The following SHANK2 variants were observed in gnomAD, a reference collection of about 807,000 sequenced individuals.
The protein encoded by SHANK2 is SH3 and multiple ankyrin repeat domains 2.
Under a neutral mutation model 133.7 loss-of-function variants are expected in SHANK2, and 43 were observed. The ratio of observed to expected loss-of-function variants is 0.32; its 90% CI spans 0.25 to 0.41. The LOEUF (loss-of-function observed/expected upper bound fraction) is 0.41, where lower values mean the gene tolerates loss of function less well. Ranked by LOEUF, SHANK2 falls within the 10% of genes least tolerant of loss-of-function variation. The pLI, the probability that SHANK2 is intolerant of heterozygous loss-of-function variation, is 1.00. For synonymous variants in SHANK2, 1,017 were observed against 952.8 expected (o/e 1.07, Z -1.24); for missense variants, 1,994 against 2,235.8 (o/e 0.89, Z 2.18).
intron 16 of SHANK2, among the ~76,000 whole-genome samples, chr11:70,660,867 A>G (rs1591718483): frequency 6.6e-6 from 1 of 152,364 alleles, no homozygotes; most frequent in South Asian, 2.1e-4. Context: ...CGTAAGCTCC[A>G]AGATGAAACT....
At chr11:70,736,482 A>G (rs1946406845) in intron 14 of SHANK2, among the ~76,000 whole-genome samples, 1 of 152,092 alleles carries the variant, frequency 6.6e-6, no homozygotes, top group African/African-American at 2.4e-5. Flanking sequence ...GTCAGAAGAG[A>G]AGACACAGAC....
At chr11:71,198,215 C>A (rs1324178168) in intron 2 of SHANK2, among the ~76,000 whole-genome samples, 1 of 152,142 alleles carries the variant, frequency 6.6e-6, no homozygotes, top group African/African-American at 2.4e-5. Context: ...TTCCAAAGTG[C>A]TGGGACTGCA....
intron 9 of SHANK2, among the ~76,000 whole-genome samples, chr11:71,057,470 G>A (rs978702431): frequency 3.3e-5 from 5 of 152,212 alleles, no homozygotes; most frequent in Admixed American, 6.5e-5. Context: ...ACTATGTCTG[G>A]AAGGATATGC....
Position 70,500,800 on chromosome 11 carries a change from C to G in SHANK2, c.2288-210G>C. On this transcript the variant is annotated intron_variant, in intron 20 of 25. Transcript: ENST00000601538. The surrounding 1 kb of genome is among the most constrained non-coding windows in gnomAD (Gnocchi z 4.5). The stretch of plus-strand genomic sequence containing the variant: ...ACCTTGGCTGCCCGCACAACTCTGT[C>G]CTGTCTGCCCTGCTCGTTAACCTAC... 1.4e-6 allele frequency: 1 copy of G among 730,202 alleles called. No homozygotes were observed. Among genetic ancestry groups the G allele is most frequent in the Non-Finnish European group, 2.5e-6 (1 of 397,074 alleles). The allele number at this position is 730,202 out of a possible 1,614,324, so 45.2% of individuals were successfully genotyped here.
chr11:70,849,174 T>C (rs1202769455), intron 11 of SHANK2, among the ~76,000 whole-genome samples: 1 of 151,832 alleles, frequency 6.6e-6, no homozygotes, highest in Non-Finnish European at 1.5e-5. Flanking sequence ...ATAGGCAGGG[T>C]GTGAGGATGC....
At chr11:70,545,657 C>G (rs1461102112) in intron 17 of SHANK2, among the ~76,000 whole-genome samples, 1 of 152,206 alleles carries the variant, frequency 6.6e-6, no homozygotes, top group Non-Finnish European at 1.5e-5. Flanking sequence ...TTTCTGACAC[C>G]AAATACATCA....
chr11:71,210,518 G>A (rs1954251948), intron 2 of SHANK2, among the ~76,000 whole-genome samples: 1 of 151,774 alleles, frequency 6.6e-6, no homozygotes, highest in Non-Finnish European at 1.5e-5. Flanking sequence ...CCAAAGTGCT[G>A]GGATTACAGG....
At chr11:70,809,935 G>T (rs1948243525) in intron 12 of SHANK2, among the ~76,000 whole-genome samples, 1 of 152,218 alleles carries the variant, frequency 6.6e-6, no homozygotes, top group African/African-American at 2.4e-5. Context: ...GGGGGCACAG[G>T]TGTCTCTGAG....
chr11:70,761,153 T>C (rs1431943236), intron 14 of SHANK2, among the ~76,000 whole-genome samples: 2 of 152,190 alleles, frequency 1.3e-5, no homozygotes, highest in African/African-American at 4.8e-5. Context: ...AATTCAAATG[T>C]TGAAACCCAA....
intron 5 of SHANK2, among the ~76,000 whole-genome samples, chr11:71,111,591 C>T (rs1267843856): frequency 3.9e-5 from 6 of 152,184 alleles, no homozygotes; most frequent in Non-Finnish European, 5.9e-5. Context: ...GCCCCTACTC[C>T]GTACCTCTCT....
At chr11:71,111,749 T>A (rs1434289695) in intron 5 of SHANK2, among the ~76,000 whole-genome samples, 1 of 152,240 alleles carries the variant, frequency 6.6e-6, no homozygotes, top group African/African-American at 2.4e-5. Flanking sequence ...ACACATGACT[T>A]ACACATGGTG....
chr11:70,774,304 G>A (rs1219637249), intron 14 of SHANK2, among the ~76,000 whole-genome samples: 1 of 151,708 alleles, frequency 6.6e-6, no homozygotes, highest in African/African-American at 2.4e-5. Flanking sequence ...TCCGGTAAAG[G>A]GGAAATCGGG....
In SHANK2 at chr11:70,919,372, C is replaced by CT. The variant is rs35847446; in HGVS notation, c.1108-22806dup. On this transcript the variant is annotated intron_variant, in intron 10 of 25. Coordinates refer to ENST00000601538, the MANE Select transcript of SHANK2 (RefSeq NM_012309.5). ...CCACAGATCTCAGAACTTACTACTT[C>CT]TTTTTTTTTTTTTAACTCTTTTTTT... 1.9e-3 allele frequency among the ~76,000 whole-genome samples: 274 copies of CT among 147,096 alleles called. 1 individual carries two copies. The highest frequency in any genetic ancestry group is 1.7e-3 in the African/African-American group (66 of 39,814).
chr11:70,810,227 C>G (rs552425467), intron 12 of SHANK2, among the ~76,000 whole-genome samples: 1 of 152,202 alleles, frequency 6.6e-6, no homozygotes, highest in Admixed American at 6.5e-5. Context: ...AGCTGATGAA[C>G]GCAACAGCAG....
intron 6 of SHANK2, among the ~76,000 whole-genome samples, chr11:71,104,101 A>G (rs1555097301): frequency 6.6e-6 from 1 of 152,054 alleles, no homozygotes; most frequent in African/African-American, 2.4e-5. Flanking sequence ...ACCCAGCCTC[A>G]GGTATGTCTT....
At chr11:70,863,305 T>C (rs1555068188) in intron 11 of SHANK2, 1 of 458,084 alleles carries the variant, frequency 2.2e-6, no homozygotes, top group South Asian at 1.5e-5. Flanking sequence ...CACCAGAACC[T>C]GAGCTGATGG....
chr11:70,473,554 T>G lies in SHANK2; in HGVS notation c.4980-115A>C. ...GCCCAAACCATGCCAGAGTGTCTAG[T>G]GGCAGATCCACTGGCAGTGAACGAA... is the stretch of plus-strand genomic sequence containing the variant. On this transcript the variant is annotated intron_variant, in intron 25 of 25. Coordinates refer to ENST00000601538, the MANE Select transcript of SHANK2 (RefSeq NM_012309.5). The surrounding 1 kb of genome is among the most constrained non-coding windows in gnomAD (Gnocchi z 5.9). 1.0e-6 allele frequency: 1 copy of G among 962,042 alleles called. No homozygotes were observed. Among genetic ancestry groups the G allele is most frequent in the Non-Finnish European group, 1.6e-6 (1 of 630,800 alleles). The allele number at this position is 962,042 out of a possible 1,614,324, so 59.6% of individuals were successfully genotyped here. A position where few individuals can be genotyped will look rare whatever the true frequency, so the allele number is the denominator to read the frequency against.
intron 2 of SHANK2, among the ~76,000 whole-genome samples, chr11:71,180,866 A>T (rs1216827692): frequency 2.0e-5 from 3 of 152,028 alleles, no homozygotes; most frequent in Admixed American, 2.0e-4. Context: ...AGACCATCGG[A>T]CAGTCCCTCC....
At chr11:70,872,010 G>C (rs1555070281) in intron 11 of SHANK2, among the ~76,000 whole-genome samples, 1 of 152,168 alleles carries the variant, frequency 6.6e-6, no homozygotes, top group Non-Finnish European at 1.5e-5. Context: ...CTGAACACCA[G>C]AGCCAGAGGT....
Sources: allele counts gnomAD v4.1 joint callset (sites outside exome capture counted in the v4.1 genomes callset), GRCh38; gene constraint gnomAD v4.1.1; non-coding constraint Gnocchi (gnomAD v3.1); transcripts MANE v1.5; gene names NCBI Gene and HGNC (gene_info 2026-07-23, HGNC 2026-07-21).